Variants in CSMD1 observed in about 807,000 individuals in gnomAD.
CSMD1 encodes CUB and sushi domain-containing protein 1.
A neutral mutation model predicts 417.5 loss-of-function variants in CSMD1; 213 were observed. The ratio of observed to expected loss-of-function variants is 0.51; its 90% CI spans 0.46 to 0.57. The LOEUF (loss-of-function observed/expected upper bound fraction) is 0.57, where lower values mean the gene tolerates loss of function less well. CSMD1 is among the 20% of genes least tolerant of loss of function. The pLI is 0.00. For synonymous variants in CSMD1, 2,862 were observed against 1,736.8 expected, an observed-to-expected ratio of 1.65 and a Z score of -16.11; for missense variants, 6,923 against 4,529.7, an observed-to-expected ratio of 1.53 and a Z score of -15.17.
At chr8:4,441,298 G>C (rs1585079917) in intron 2 of CSMD1, among the ~76,000 whole-genome samples, 1 of 135,358 alleles carries the variant, frequency 7.4e-6, no homozygotes. Context: ...GGGGAGTAGA[G>C]AGGGAGGTCT....
chr8:3,174,492 C>G (rs1820785609), intron 37 of CSMD1, among the ~76,000 whole-genome samples: 1 of 151,916 alleles, frequency 6.6e-6, no homozygotes, highest in Non-Finnish European at 1.5e-5. Flanking sequence ...GATTCTGTCT[C>G]AAAAAACAAA....
chr8:4,022,286 G>C (rs1796828984), intron 4 of CSMD1, among the ~76,000 whole-genome samples: 5 of 151,416 alleles, frequency 3.3e-5, no homozygotes, highest in Admixed American at 3.3e-4. Context: ...ATGTATTTCA[G>C]ATTTCAGACA....
At chr8:3,502,504 C>G (rs553605044) in intron 10 of CSMD1, among the ~76,000 whole-genome samples, 2 of 152,200 alleles carry the variant, frequency 1.3e-5, no homozygotes, top group South Asian at 2.1e-4. Flanking sequence ...TGTGGTATAT[C>G]CAGACAGTGG....
intron 3 of CSMD1, among the ~76,000 whole-genome samples, chr8:4,324,263 C>T (rs1312348137): frequency 6.6e-6 from 1 of 152,202 alleles, no homozygotes; most frequent in Admixed American, 6.5e-5. Flanking sequence ...AGTTCTGAGA[C>T]CTTTTCCTCT....
In CSMD1 at chr8:4,543,640, T is replaced by A. The variant is rs1425318190; in HGVS notation, c.302+93702A>T. Among the ~76,000 whole-genome samples the A allele has an allele frequency of 3.3e-5, 4 of 123,058 alleles. No individual in the cohort carries two copies. The Admixed American group carries it at 3.3e-4, about 10-fold the overall frequency. The allele number at this position is 123,058 out of a possible 152,430, so 80.7% of individuals were successfully genotyped here. On this transcript the variant is annotated intron_variant, in intron 2 of 69. Coordinates refer to ENST00000635120, the MANE Select transcript of CSMD1 (RefSeq NM_033225.6). The stretch of plus-strand genomic sequence containing the variant: ...CATTTCAGTAGATACCTATGATGGC[T>A]GGATCATATGGGAAGGACACGTTTA...
chr8:4,387,091 T>G (rs1254676616), intron 3 of CSMD1, among the ~76,000 whole-genome samples: 1 of 152,082 alleles, frequency 6.6e-6, no homozygotes, highest in Non-Finnish European at 1.5e-5. Flanking sequence ...AAAAGCCAAT[T>G]AATAGAGTTA....
chr8:4,158,364 A>C (rs1349092727), intron 3 of CSMD1, among the ~76,000 whole-genome samples: 1 of 152,176 alleles, frequency 6.6e-6, no homozygotes, highest in Non-Finnish European at 1.5e-5. Context: ...ACCCGAAAGA[A>C]ATAGTAATAT....
intron 2 of CSMD1, among the ~76,000 whole-genome samples, chr8:4,445,045 T>C (rs545359593): frequency 2.6e-5 from 4 of 152,352 alleles, no homozygotes; most frequent in South Asian, 2.1e-4. Flanking sequence ...TTGAAATCAC[T>C]GCACATTTAT....
At chr8:4,162,247 T>C (rs549206245) in intron 3 of CSMD1, among the ~76,000 whole-genome samples, 1 of 152,224 alleles carries the variant, frequency 6.6e-6, no homozygotes, top group Non-Finnish European at 1.5e-5. Flanking sequence ...CTAAGAAACA[T>C]TCTGCAATAA....
chr8:4,682,351 T>C (rs1389755231), intron 1 of CSMD1, among the ~76,000 whole-genome samples: 1 of 152,180 alleles, frequency 6.6e-6, no homozygotes, highest in Non-Finnish European at 1.5e-5. Flanking sequence ...TTTTTTTGAT[T>C]AGTCAGAATG....
chr8:4,556,412 C>T (rs1338258975), intron 2 of CSMD1, among the ~76,000 whole-genome samples: 2 of 152,080 alleles, frequency 1.3e-5, no homozygotes, highest in African/African-American at 2.4e-5. Context: ...CAAGACTACA[C>T]GGAGAGGCCA....
In CSMD1 at chr8:4,360,264, T is replaced by G. The variant is rs530525645; in HGVS notation, c.415+59689A>C. On this transcript the variant is annotated intron_variant, in intron 3 of 69. Transcript: ENST00000635120. ...ATTTCCTGATGAACACACATCTACCTCCCTGAATTTGCTTTTACTTAATAG... is the reference window on the plus strand; with the variant it reads ...ATTTCCTGATGAACACACATCTACCGCCCTGAATTTGCTTTTACTTAATAG... Among the ~76,000 whole-genome samples the G allele has an allele frequency of 9.7e-4, 147 of 152,202 alleles. 1 individual carries two copies. The South Asian group carries it at 0.011, about 11-fold the overall frequency.
intron 52 of CSMD1, among the ~76,000 whole-genome samples, chr8:3,015,500 T>C (rs1808756949): frequency 6.6e-6 from 1 of 151,980 alleles, no homozygotes; most frequent in South Asian, 2.1e-4. Context: ...AATATATATA[T>C]ATATTTTGAT....
chr8:3,792,367 C>A (rs544721830), intron 5 of CSMD1, among the ~76,000 whole-genome samples: 1 of 152,140 alleles, frequency 6.6e-6, no homozygotes, highest in African/African-American at 2.4e-5. Flanking sequence ...ACATTATGAT[C>A]ATTAATGTAG....
intron 5 of CSMD1, among the ~76,000 whole-genome samples, chr8:3,819,564 A>G (rs969601590): frequency 5.5e-5 from 7 of 127,678 alleles, no homozygotes; most frequent in South Asian, 2.6e-4. Context: ...ACACACACGT[A>G]TGTATATAAA....
intron 10 of CSMD1, among the ~76,000 whole-genome samples, chr8:3,522,857 T>C (rs1035638932): frequency 5.3e-5 from 8 of 150,090 alleles, no homozygotes; most frequent in African/African-American, 1.7e-4. Flanking sequence ...TATAATTATA[T>C]ATTTAATGTA....
chr8:3,511,613 C>G (rs556343554), intron 10 of CSMD1, among the ~76,000 whole-genome samples: 2 of 151,394 alleles, frequency 1.3e-5, no homozygotes, highest in East Asian at 3.9e-4. Context: ...AAAAGATTAG[C>G]TGGGCATGGT....
chr8:3,764,744 T>C (rs1192617133), intron 5 of CSMD1, among the ~76,000 whole-genome samples: 39 of 93,336 alleles, frequency 4.2e-4, no homozygotes, highest in Admixed American at 1.1e-3. Flanking sequence ...TCTTTCTTTT[T>C]TTTTTTTTTT....
At chr8:4,798,194 G>C (rs947475441) in intron 1 of CSMD1, among the ~76,000 whole-genome samples, 7 of 152,078 alleles carry the variant, frequency 4.6e-5, no homozygotes, top group African/African-American at 1.7e-4. Context: ...CCCGGTGTGT[G>C]ATGTTCCCCT....
Sources: gnomAD v4.1 joint callset for allele counts (sites outside exome capture counted in the v4.1 genomes callset) on GRCh38, gnomAD v4.1.1 for gene constraint, MANE v1.5 for transcripts, NCBI Gene and HGNC (gene_info 2026-07-23, HGNC 2026-07-21) for gene names.